The following RASA2 variants were observed in gnomAD, a reference collection of about 807,000 sequenced individuals.
RASA2 encodes the protein RAS p21 protein activator 2.
Under a neutral mutation model 118.2 loss-of-function variants are expected in RASA2, and 155 were observed. The observed-to-expected ratio is 1.31, with a 90% CI of 1.15 to 1.50. The LOEUF is 1.50. RASA2 is among the 40% of genes most tolerant of loss of function. RASA2 has a pLI of 0.00. For synonymous variants in RASA2, 353 were observed against 349.1 expected, an observed-to-expected ratio of 1.01 and a Z score of -0.12; for missense variants, 1,016 against 1,009.6, an observed-to-expected ratio of 1.01 and a Z score of -0.09.
At chr3:141,561,946 G>GT (rs1305119037) in intron 9 of RASA2, among the ~76,000 whole-genome samples, 1 of 151,516 alleles carries the variant, frequency 6.6e-6, no homozygotes, top group African/African-American at 2.4e-5. Context: ...ACTTTTTTTT[G>GT]TGGGGGGGCG....
At chr3:141,507,130 A>T (rs776830900) in intron 1 of RASA2, among the ~76,000 whole-genome samples, 5 of 152,186 alleles carry the variant, frequency 3.3e-5, no homozygotes, top group African/African-American at 4.8e-5. Context: ...TATTCAACTC[A>T]CTATCTGATG....
chr3:141,578,869 G>A (rs1051087409), intron 15 of RASA2: 1 of 152,210 alleles, frequency 6.6e-6, no homozygotes, highest in Non-Finnish European at 1.5e-5. Context: ...GGAAACATGA[G>A]TGCAGGTGCC....
In RASA2 at chr3:141,512,165, GAA is replaced by G; in HGVS notation, c.137_138del (p.Glu46GlyfsTer43). The G allele has an allele frequency of 6.2e-7, 1 of 1,603,016 alleles. No homozygotes were observed. The highest frequency in any genetic ancestry group is 8.5e-7 in the Non-Finnish European group (1 of 1,173,298). ...VLQSLRGKIC[E>X]AKNLLPYLGP... is the part of the protein sequence containing the mutation. The stretch of plus-strand genomic sequence containing the variant: ...AATTTTAAATTTTATGCCAACAGGT[GAA>G]GCAAAAAATTTATTGCCATATCTTG... On this transcript the variant is annotated frameshift_variant, in exon 2 of 24. Transcript: ENST00000286364. LOFTEE classifies it high-confidence loss of function.
chr3:141,592,908 G>A (rs1178002287), intron 19 of RASA2, among the ~76,000 whole-genome samples: 1 of 150,866 alleles, frequency 6.6e-6, no homozygotes, highest in Non-Finnish European at 1.5e-5. Flanking sequence ...GGTAATGGTA[G>A]AAAAAACCAA....
At chr3:141,544,794 G>A (rs141410296) in intron 5 of RASA2, among the ~76,000 whole-genome samples, 84 of 152,290 alleles carry the variant, frequency 5.5e-4, no homozygotes, top group Admixed American at 2.0e-3. Flanking sequence ...ACATGCCATG[G>A]AATACTAGCC....
intron 2 of RASA2, among the ~76,000 whole-genome samples, chr3:141,512,510 C>T (rs946060445): frequency 1.3e-5 from 2 of 152,116 alleles, no homozygotes; most frequent in Non-Finnish European, 2.9e-5. Flanking sequence ...TTCGTTTGAA[C>T]TTTCCTCAAA....
chr3:141,549,380 C>A (rs753322828), intron 5 of RASA2, among the ~76,000 whole-genome samples: 1 of 152,164 alleles, frequency 6.6e-6, no homozygotes, highest in Admixed American at 6.5e-5. Context: ...TCTCTGCCCA[C>A]CCATACCCCA....
At position 141,609,989 on chromosome 3, in the gene RASA2, A is replaced by G; in HGVS notation, c.2442A>G (p.Lys814=). ...VTTFKTIQQI[K]SIIEKLDEPH... ...CCTTTAAGACAATTCAGCAAATAAAAAGCATAATTGAGAAGCTGGATGAAC... is the reference window on the plus strand; with the variant it reads ...CCTTTAAGACAATTCAGCAAATAAAGAGCATAATTGAGAAGCTGGATGAAC... Residue 814 remains lysine, a synonymous_variant, in exon 23 of 24, where the codon AAA becomes AAG. Coordinates refer to ENST00000286364, the MANE Select transcript of RASA2 (RefSeq NM_006506.5). 6.2e-7 allele frequency: 1 copy of G among 1,606,978 alleles called. No individual in the cohort carries two copies. The highest frequency in any genetic ancestry group is 1.7e-4 in the Middle Eastern group (1 of 6,050).
intron 1 of RASA2, among the ~76,000 whole-genome samples, chr3:141,490,716 GT>G (rs1674971520): frequency 6.6e-6 from 1 of 152,206 alleles, no homozygotes; most frequent in African/African-American, 2.4e-5. Flanking sequence ...GATCTATAGG[GT>G]ATGGTTAAGT....
chr3:141,588,674 A>G (rs1336485470), intron 19 of RASA2, among the ~76,000 whole-genome samples: 1 of 152,192 alleles, frequency 6.6e-6, no homozygotes, highest in African/African-American at 2.4e-5. Context: ...TTCCTTAGGA[A>G]TGGCTTAACC....
chr3:141,541,038 T>G (rs116583389), intron 5 of RASA2, among the ~76,000 whole-genome samples: 436 of 152,202 alleles, frequency 2.9e-3, no homozygotes, highest in Middle Eastern at 0.01. Context: ...TCTTCCACCC[T>G]CAAGTCATTT....
intron 2 of RASA2, among the ~76,000 whole-genome samples, chr3:141,515,429 A>G (rs963229727): frequency 1.3e-5 from 2 of 152,112 alleles, no homozygotes; most frequent in Non-Finnish European, 2.9e-5. Flanking sequence ...TGTATCTTCT[A>G]TCCACAGGAC....
intron 9 of RASA2, among the ~76,000 whole-genome samples, chr3:141,568,302 A>G (rs920311605): frequency 1.3e-5 from 2 of 152,272 alleles, no homozygotes; most frequent in South Asian, 4.1e-4. Flanking sequence ...GAATATGATA[A>G]CATTTTTGTA....
intron 5 of RASA2, among the ~76,000 whole-genome samples, chr3:141,545,422 G>A (rs1482455032): frequency 2.0e-5 from 3 of 151,734 alleles, no homozygotes; most frequent in African/African-American, 4.8e-5. Context: ...CTACATGGCA[G>A]GAGCAGGAAC....
At position 141,573,164 on chromosome 3, in the gene RASA2, A is replaced by G. The variant is rs766106385; in HGVS notation, c.1302A>G (p.Lys434=). The change falls in exon 13 of 24, where the codon AAA becomes AAG. Residue 434 remains lysine, a synonymous_variant. Coordinates refer to ENST00000286364, the MANE Select transcript of RASA2 (RefSeq NM_006506.5). ...TTTTTCAGATATGTGACTCCTCAAA[A>G]TCCTGTGAAATCGATCCTATTAAAT... ...PILDEICDSS[K]SCEIDPIKLK... 6.5e-7 allele frequency: 1 copy of G among 1,547,496 alleles called. No homozygotes were observed. Among genetic ancestry groups the G allele is most frequent in the African/African-American group, 1.4e-5 (1 of 69,848 alleles).
At chr3:141,507,508 T>C (rs1043207095) in intron 1 of RASA2, among the ~76,000 whole-genome samples, 1 of 152,204 alleles carries the variant, frequency 6.6e-6, no homozygotes, top group Non-Finnish European at 1.5e-5. Flanking sequence ...CTGTAACTTT[T>C]AGATGCCTGT....
At chr3:141,493,475 G>A (rs1004252150) in intron 1 of RASA2, among the ~76,000 whole-genome samples, 1 of 152,146 alleles carries the variant, frequency 6.6e-6, no homozygotes, top group Non-Finnish European at 1.5e-5. Flanking sequence ...GACCTACTAA[G>A]TCAGAATTTC....
intron 9 of RASA2, among the ~76,000 whole-genome samples, chr3:141,563,912 A>G (rs542227699): frequency 2.8e-4 from 43 of 152,106 alleles, no homozygotes; most frequent in African/African-American, 9.4e-4. Flanking sequence ...AGAGTTCCCT[A>G]CTCATTTAAA....
intron 1 of RASA2, among the ~76,000 whole-genome samples, chr3:141,495,539 C>A (rs987034268): frequency 7.9e-5 from 12 of 151,934 alleles, no homozygotes; most frequent in East Asian, 1.9e-4. Context: ...TTTAAAACAT[C>A]AATTTACAAA....
Sources: allele counts gnomAD v4.1 joint callset (sites outside exome capture counted in the v4.1 genomes callset), GRCh38; gene constraint gnomAD v4.1.1; transcripts MANE v1.5; gene names NCBI Gene and HGNC (gene_info 2026-07-23, HGNC 2026-07-21).